HDAC8: variants seen among roughly 807,000 people sequenced by gnomAD.
HDAC8 encodes histone deacetylase 8, also known as histone deacetylase-like 1.
A neutral mutation model predicts 32.2 loss-of-function variants in HDAC8; 1 was observed. The observed-to-expected ratio is 0.03, with a 90% confidence interval of 0.01 to 0.15. HDAC8 has a LOEUF of 0.15. Ranked by LOEUF, HDAC8 falls within the 10% of genes least tolerant of loss-of-function variation. HDAC8 has a pLI of 1.00. For synonymous variants in HDAC8, 108 were observed against 113.9 expected, an observed-to-expected ratio of 0.95 and a Z score of 0.33; for missense variants, 117 against 300.0, an observed-to-expected ratio of 0.39 and a Z score of 4.51.
At chrX:72,392,832 T>TC (rs1345032562) in intron 9 of HDAC8, among the ~76,000 whole-genome samples, 1 of 112,104 alleles carries the variant, frequency 8.9e-6, no homozygotes, top group Non-Finnish European at 1.9e-5. Flanking sequence ...ATCTTGTAGT[T>TC]CTTCAGCATA....
intron 9 of HDAC8, among the ~76,000 whole-genome samples, chrX:72,386,561 A>G (rs782009028): frequency 8.9e-6 from 1 of 112,145 alleles, no homozygotes; most frequent in Non-Finnish European, 1.9e-5. Context: ...AAAAAATAGT[A>G]TCAGCTAATG....
At chrX:72,499,294 C>G (rs974787546) in intron 4 of HDAC8, among the ~76,000 whole-genome samples, 1 of 111,786 alleles carries the variant, frequency 8.9e-6, no homozygotes, top group Non-Finnish European at 1.9e-5. Flanking sequence ...TGATAGACCT[C>G]TACAGAACTC....
At chrX:72,435,532 T>C (rs1219553798) in intron 9 of HDAC8, among the ~76,000 whole-genome samples, 1 of 110,562 alleles carries the variant, frequency 9.0e-6, no homozygotes, top group Non-Finnish European at 1.9e-5. Flanking sequence ...AGAAACACAA[T>C]GAAAAAAAGA....
At chrX:72,370,410 G>C (rs782345201) in intron 9 of HDAC8, among the ~76,000 whole-genome samples, 2 of 111,818 alleles carry the variant, frequency 1.8e-5, no homozygotes, top group African/African-American at 6.5e-5. Context: ...GCTCAGGCTG[G>C]AATGCAGTGG....
At chrX:72,535,026 G>A (rs1297144801) in intron 4 of HDAC8, among the ~76,000 whole-genome samples, 1 of 111,710 alleles carries the variant, frequency 9.0e-6, no homozygotes. Context: ...CTGTAACTTT[G>A]GCATTTAAGA....
chrX:72,331,206 A>G (rs1314948833), intron 10 of HDAC8, among the ~76,000 whole-genome samples: 1 of 110,423 alleles, frequency 9.1e-6, no homozygotes, highest in Non-Finnish European at 1.9e-5. Context: ...CGGCCTCCCA[A>G]AGTGCTGGGA....
At chrX:72,372,129 T>C (rs5958762) in intron 9 of HDAC8, among the ~76,000 whole-genome samples, 3 of 110,893 alleles carry the variant, frequency 2.7e-5, no homozygotes, top group Non-Finnish European at 5.7e-5. Flanking sequence ...TTTCAGTCTA[T>C]ATATATATGC....
At chrX:72,559,703 G>C (rs1161031095) in intron 4 of HDAC8, among the ~76,000 whole-genome samples, 1 of 108,656 alleles carries the variant, frequency 9.2e-6, no homozygotes, top group Non-Finnish European at 1.9e-5. Context: ...GATGTGAGGA[G>C]CGCCTCTGCC....
At chrX:72,356,866 GAGCCACCATGCCC>G (rs2044383678) in intron 9 of HDAC8, among the ~76,000 whole-genome samples, 1 of 111,362 alleles carries the variant, frequency 9.0e-6, no homozygotes, top group Non-Finnish European at 1.9e-5. Context: ...TTAGAGGCAC[GAGCCACCATGCCC>G]AGCCTTCTGC....
Position 72,456,058 on chromosome X carries a change from C to T in HDAC8, c.1005+5946G>A, listed in dbSNP as rs189080171. Reference sequence around the variant, plus strand: ...TTTCCAATTACATATCTATGTGAAGCTGGATTTTCTTTATATATTTTTAAA... The same window carrying T: ...TTTCCAATTACATATCTATGTGAAGTTGGATTTTCTTTATATATTTTTAAA... On this transcript the variant is annotated intron_variant, in intron 9 of 10. Coordinates refer to ENST00000373573, the MANE Select transcript of HDAC8 (RefSeq NM_018486.3). 2.4e-3 allele frequency among the ~76,000 whole-genome samples: 262 copies of T among 111,320 alleles called. 2 individuals are homozygous for T. Among genetic ancestry groups the T allele is most frequent in the African/African-American group, 8.4e-3 (258 of 30,678 alleles).
intron 9 of HDAC8, among the ~76,000 whole-genome samples, chrX:72,365,018 AAGC>A (rs2044658789): frequency 8.9e-6 from 1 of 112,164 alleles, no homozygotes; most frequent in Admixed American, 9.5e-5. Context: ...GCCCGATAGA[AAGC>A]ACTATGCTTT....
intron 9 of HDAC8, among the ~76,000 whole-genome samples, chrX:72,363,977 G>A (rs1569243310): frequency 8.9e-6 from 1 of 111,772 alleles, no homozygotes; most frequent in Non-Finnish European, 1.9e-5. Flanking sequence ...GAAAGATTCT[G>A]AAGCTGTGCC....
intron 9 of HDAC8, among the ~76,000 whole-genome samples, chrX:72,390,843 G>T (rs1236224315): frequency 1.8e-5 from 2 of 111,837 alleles, no homozygotes; most frequent in Non-Finnish European, 3.8e-5. Context: ...ATGTCTAACT[G>T]CATTCTCTGT....
chrX:72,331,579 T>C (rs2043524987), intron 10 of HDAC8, among the ~76,000 whole-genome samples: 1 of 111,814 alleles, frequency 8.9e-6, no homozygotes, highest in African/African-American at 3.3e-5. Context: ...AGTTCATTCC[T>C]TTTTTGTACT....
chrX:72,370,482 T>A (rs2044839702), intron 9 of HDAC8, among the ~76,000 whole-genome samples: 1 of 111,837 alleles, frequency 8.9e-6, no homozygotes, highest in Non-Finnish European at 1.9e-5. Context: ...TGCGTCAGCC[T>A]CCTGAGTAGC....
In HDAC8 at chrX:72,413,369, G is replaced by A. The variant is rs781836167; in HGVS notation, c.1005+48635C>T. On this transcript the variant is annotated intron_variant, in intron 9 of 10. Coordinates refer to ENST00000373573, the MANE Select transcript of HDAC8 (RefSeq NM_018486.3). ...ACCTATGAGTGAGAACATGCGCCAC[G>A]TGGCACATATACACCATGGAATACT... is the stretch of plus-strand genomic sequence containing the variant. 7.6e-4 allele frequency among the ~76,000 whole-genome samples: 78 copies of A among 102,257 alleles called. 1 individual carries two copies. Among genetic ancestry groups the A allele is most frequent in the Admixed American group, 3.2e-3 (29 of 8,981 alleles). 88.8% of individuals were successfully genotyped at this position (102,257 alleles called of 115,157 possible). A position where few individuals can be genotyped will look rare whatever the true frequency, so the allele number is the denominator to read the frequency against.
At position 72,495,597 on chromosome X, in the gene HDAC8, G is replaced by T. The variant is rs140621845; in HGVS notation, c.438-329C>A. Reference sequence around the variant, plus strand: ...TCACTTCAAAAAATTTGTATACCCTGGGGTCATCATGAGGAACACTGGTAA... The same window carrying T: ...TCACTTCAAAAAATTTGTATACCCTTGGGTCATCATGAGGAACACTGGTAA... On this transcript the variant is annotated intron_variant, in intron 4 of 10. Transcript: ENST00000373573. Among the ~76,000 whole-genome samples the T allele has an allele frequency of 0.037, 4,118 of 111,383 alleles. 87 individuals are homozygous for T. Among genetic ancestry groups the T allele is most frequent in the Non-Finnish European group, 0.059 (3,137 of 52,922 alleles).
chrX:72,474,453 A>G, intron 7 of HDAC8: 1 of 1,018,146 alleles, frequency 9.8e-7, no homozygotes, highest in South Asian at 3.2e-5. Flanking sequence ...CCACTGTAAC[A>G]GTACTGTTTG....
chrX:72,496,406 G>A lies in HDAC8; in HGVS notation c.438-1138C>T, dbSNP rs371107141. ...GACTTTGCTTCATGATGGTGAACTC[G>A]GCAATCATCTAGCCAAAGAATAGCT... On this transcript the variant is annotated intron_variant, in intron 4 of 10. Transcript: ENST00000373573. Among the ~76,000 whole-genome samples the A allele has an allele frequency of 2.6e-4, 29 of 110,397 alleles. No homozygotes were observed. In the South Asian group the frequency reaches 8.1e-3, roughly 31 times the overall value.
Sources: allele counts gnomAD v4.1 joint callset (sites outside exome capture counted in the v4.1 genomes callset), GRCh38; gene constraint gnomAD v4.1.1; transcripts MANE v1.5; gene names NCBI Gene and HGNC (gene_info 2026-07-23, HGNC 2026-07-21).